ZC3H11A: variants seen among roughly 807,000 people sequenced by gnomAD.
The protein encoded by ZC3H11A is zinc finger CCCH domain-containing protein 11A.
In ZC3H11A, 22 loss-of-function variants were observed where a neutral mutation model predicts 90.8. That is an observed-to-expected ratio of 0.24 (90% CI 0.17 to 0.35). ZC3H11A has a LOEUF of 0.35. ZC3H11A is among the 10% of genes least tolerant of loss of function. The pLI is 1.00. For synonymous variants in ZC3H11A, 294 were observed against 339.8 expected (o/e 0.87, Z 1.48); for missense variants, 701 against 964.9 (o/e 0.73, Z 3.62).
chr1:203,826,311 T>C (rs1305848157), intron 4 of ZC3H11A, among the ~76,000 whole-genome samples: 1 of 151,524 alleles, frequency 6.6e-6, no homozygotes, highest in Non-Finnish European at 1.5e-5. Flanking sequence ...GCCTATACTT[T>C]TAAAAAATAT....
At chr1:203,819,136 GTATATGTGTGTATATACACACACGTGTA>G (rs1194758022) in intron 4 of ZC3H11A, among the ~76,000 whole-genome samples, 1 of 143,770 alleles carries the variant, frequency 7.0e-6, no homozygotes, top group African/African-American at 2.8e-5. Flanking sequence ...ATATACATAT[GTATATGTGTGTATATACACACACGTGTA>G]TATATGTGTG....
chr1:203,852,816 G>A lies in ZC3H11A; in HGVS notation c.*417G>A, dbSNP rs1689570287. ...CCTGAGTTTGAAATGGATGAAGACA[G>A]CTGCTACCATTAAGGACCAAATTTT... On this transcript the variant is annotated 3_prime_UTR_variant, in exon 18 of 18. Transcript: ENST00000367210. The A allele has an allele frequency of 5.5e-6, 1 of 180,184 alleles. No homozygotes were observed. Among genetic ancestry groups the A allele is most frequent in the Admixed American group, 5.5e-5 (1 of 18,220 alleles). 11.2% of individuals were successfully genotyped at this position (180,184 alleles called of 1,614,324 possible).
At chr1:203,839,131 T>A (rs1685294458) in intron 11 of ZC3H11A, among the ~76,000 whole-genome samples, 1 of 151,968 alleles carries the variant, frequency 6.6e-6, no homozygotes, top group African/African-American at 2.4e-5. Context: ...TAAGACGAGG[T>A]AGTGGCATAG....
chr1:203,811,403 A>G (rs1406615876), intron 2 of ZC3H11A, among the ~76,000 whole-genome samples: 1 of 152,204 alleles, frequency 6.6e-6, no homozygotes, highest in African/African-American at 2.4e-5. Context: ...TCATTGTTTC[A>G]ATTACTTTGT....
intron 1 of ZC3H11A, chr1:203,796,116 C>A: frequency 6.1e-6 from 1 of 164,046 alleles, no homozygotes; most frequent in Non-Finnish European, 1.3e-5. Context: ...GTTCGCTAAT[C>A]TCGAGGAGCC....
Position 203,800,295 on chromosome 1 carries a change from T to A in ZC3H11A, c.-1587-1280T>A, listed in dbSNP as rs746756572. On this transcript the variant is annotated intron_variant, in intron 1 of 17. Transcript: ENST00000367210. Reference sequence around the variant, plus strand: ...ATGTATCTTTACTAAAAATAGCCACTTTCATCCAAAACAGATCATGAGCCT... The same window carrying A: ...ATGTATCTTTACTAAAAATAGCCACATTCATCCAAAACAGATCATGAGCCT... 5.4e-6 allele frequency: 5 copies of A among 931,022 alleles called. 1 individual carries two copies. The South Asian group carries it at 6.9e-5, about 13-fold the overall frequency. The allele number at this position is 931,022 out of a possible 1,614,324, so 57.7% of individuals were successfully genotyped here. A position where few individuals can be genotyped will look rare whatever the true frequency, so the allele number is the denominator to read the frequency against.
chr1:203,803,109 G>A (rs946552889), intron 2 of ZC3H11A, 93 bp downstream of exon 2: 25 of 152,412 alleles, frequency 1.6e-4, no homozygotes, highest in African/African-American at 5.3e-4. Context: ...AAATTAAAAG[G>A]CCATTGTTCA....
intron 2 of ZC3H11A, chr1:203,805,823 G>A (rs925803898): frequency 1.2e-5 from 11 of 880,032 alleles, no homozygotes; most frequent in Admixed American, 7.1e-5. Context: ...CCATAACTGC[G>A]ACTCAGTGCT....
At chr1:203,825,076 CAAA>C (rs61108073) in intron 4 of ZC3H11A, among the ~76,000 whole-genome samples, 3 of 108,982 alleles carry the variant, frequency 2.8e-5, no homozygotes, top group Admixed American at 1.1e-4. Flanking sequence ...GACTCCGTCT[CAAA>C]AAAAAAAAAA....
intron 11 of ZC3H11A, among the ~76,000 whole-genome samples, chr1:203,838,885 G>A (rs1402541316): frequency 6.6e-6 from 1 of 150,436 alleles, no homozygotes; most frequent in Non-Finnish European, 1.5e-5. Context: ...CCTGGAAGGC[G>A]GAGGTTACAG....
chr1:203,835,160 C>G (rs1683873257), intron 10 of ZC3H11A, among the ~76,000 whole-genome samples: 1 of 152,180 alleles, frequency 6.6e-6, no homozygotes, highest in Admixed American at 6.5e-5. Flanking sequence ...GCACTTTACG[C>G]TCTAAGTAAT....
At chr1:203,828,487 G>C in intron 5 of ZC3H11A, 65 bp downstream of exon 5, 1 of 1,531,604 alleles carries the variant, frequency 6.5e-7, no homozygotes, top group South Asian at 1.2e-5. Flanking sequence ...CTGTACAACA[G>C]TACTTTTCAG....
chr1:203,818,381 AGAAATAGGTTATAG>A (rs1488153017), intron 3 of ZC3H11A, among the ~76,000 whole-genome samples, 175 bp from the exon 4 acceptor site: 2 of 152,156 alleles, frequency 1.3e-5, no homozygotes, highest in Admixed American at 6.5e-5. Flanking sequence ...GGTACTGTCA[AGAAATAGGTTATAG>A]GAAATAATTT....
intron 1 of ZC3H11A, chr1:203,798,723 T>G: frequency 6.5e-7 from 1 of 1,536,002 alleles, no homozygotes. Flanking sequence ...AGAAACAACA[T>G]GTTGTGGAAA....
chr1:203,850,362 A>G, intron 15 of ZC3H11A, 153 bp from the exon 16 acceptor site: 1 of 1,169,670 alleles, frequency 8.5e-7, no homozygotes, highest in Non-Finnish European at 1.3e-6. Context: ...CCATGTGACC[A>G]CAAATTGCCT....
chr1:203,833,581 G>A (rs1425251231), intron 9 of ZC3H11A, among the ~76,000 whole-genome samples: 1 of 148,402 alleles, frequency 6.7e-6, no homozygotes, highest in Non-Finnish European at 1.5e-5. Context: ...CTTCTGTTTA[G>A]GCTGTATGTT....
rs201479839 is a variant in ZC3H11A, at chr1:203,802,723, TG to T, written c.-438del. 13,217 of 136,782 alleles carry T rather than the reference TG, an allele frequency of 0.097. 723 individuals are homozygous for T. Among genetic ancestry groups the T allele is most frequent in the Non-Finnish European group, 0.14 (8,833 of 64,392 alleles). The allele number at this position is 136,782 out of a possible 1,614,324, so 8.5% of individuals were successfully genotyped here. The stretch of plus-strand genomic sequence containing the variant: ...CATCTTTAAATGAACTCTTTTTTTT[TG>T]TTTTTTTTTTGTTTTGTTTTGTTTT... On this transcript the variant is annotated 5_prime_UTR_variant, in exon 2 of 18. The change abolishes the stop of an existing upstream ORF in the 5' untranslated region. Coordinates refer to ENST00000367210, the MANE Select transcript of ZC3H11A (RefSeq NM_001376342.1).
Position 203,848,423 on chromosome 1 carries a change from T to C in ZC3H11A, c.1623+16T>C, listed in dbSNP as rs1471364170. 5 of 1,588,760 alleles carry C rather than the reference T, an allele frequency of 3.1e-6. No individual in the cohort carries two copies. In the South Asian group the frequency reaches 5.7e-5, roughly 18 times the overall value. ...AGCTAAAGAGGTAAATTTAAGATTA[T>C]TGTATGGTTTTGTTCATGGCAAACA... On this transcript the variant is annotated intron_variant, in intron 14 of 17. Coordinates refer to ENST00000367210, the MANE Select transcript of ZC3H11A (RefSeq NM_001376342.1).
Position 203,852,214 on chromosome 1 carries a change from A to G in ZC3H11A, c.2248A>G (p.Met750Val), listed in dbSNP as rs1689483180. Reference protein sequence around the residue: ...PEVSGPSSSQMSMKTRRLSSA... With the variant: ...PEVSGPSSSQVSMKTRRLSSA... ...GGTGTCTGGCCCTTCCTCATCCCAA[A>G]TGAGCATGAAAACTCGCCGACTCAG... Residue 750 changes from methionine (M) to valine (V), a missense_variant, in exon 18 of 18, where the codon ATG becomes GTG. Physicochemically the swap from Met to Val is conservative, Grantham distance 21. This residue lies in a region of ZC3H11A where 91 missense variants were observed against 86.8 expected (regional missense o/e 1.05). Coordinates refer to ENST00000367210, the MANE Select transcript of ZC3H11A (RefSeq NM_001376342.1). 6.2e-7 allele frequency: 1 copy of G among 1,613,420 alleles called. No individual in the cohort carries two copies. Among genetic ancestry groups the G allele is most frequent in the African/African-American group, 1.3e-5 (1 of 74,760 alleles).
Sources: allele counts gnomAD v4.1 joint callset (sites outside exome capture counted in the v4.1 genomes callset), GRCh38; gene constraint gnomAD v4.1.1; regional missense constraint gnomAD v4.1.1; transcripts MANE v1.5; gene names NCBI Gene and HGNC (gene_info 2026-07-23, HGNC 2026-07-21).